Variants in DMXL1 observed in about 807,000 individuals in gnomAD.
DMXL1 encodes Dmx like 1.
A neutral mutation model predicts 319.2 loss-of-function variants in DMXL1; 99 were observed. The ratio of observed to expected loss-of-function variants is 0.31; its 90% CI spans 0.26 to 0.37. The LOEUF is 0.37. DMXL1 is among the 10% of genes least tolerant of loss of function. The probability of loss-of-function intolerance (pLI) is 1.00; values close to 1 mark genes in which losing one functional copy is unlikely to be tolerated. For missense variants in DMXL1, 3,745 were observed against 3,595.6 expected, an observed-to-expected ratio of 1.04 and a Z score of -1.06; for synonymous variants, 1,385 against 1,235.2, an observed-to-expected ratio of 1.12 and a Z score of -2.54.
At chr5:119,072,783 C>G (rs1351675569) in intron 1 of DMXL1, among the ~76,000 whole-genome samples, 1 of 152,102 alleles carries the variant, frequency 6.6e-6, no homozygotes, top group Admixed American at 6.6e-5. Flanking sequence ...TGTACCTCCC[C>G]TTTAGATTGA....
chr5:119,173,208 C>T (rs1774941292), intron 25 of DMXL1, among the ~76,000 whole-genome samples: 2 of 151,930 alleles, frequency 1.3e-5, no homozygotes, highest in African/African-American at 4.8e-5. Flanking sequence ...GGCGTAGTGG[C>T]ACATGCCTAT....
intron 1 of DMXL1, among the ~76,000 whole-genome samples, chr5:119,095,303 T>C (rs1218401144): frequency 6.6e-6 from 1 of 152,202 alleles, no homozygotes; most frequent in Non-Finnish European, 1.5e-5. Context: ...ACTAGATAAG[T>C]CATTGAATGA....
intron 9 of DMXL1, chr5:119,127,949 T>C: frequency 2.6e-6 from 1 of 385,580 alleles, no homozygotes. Context: ...ATGGTTTAAG[T>C]CCATGTCCTG....
chr5:119,112,106 G>T (rs977992928), intron 5 of DMXL1, among the ~76,000 whole-genome samples: 1 of 151,982 alleles, frequency 6.6e-6, no homozygotes, highest in Non-Finnish European at 1.5e-5. Context: ...GACTACAGGC[G>T]CTCTACCACC....
chr5:119,171,828 G>T lies in DMXL1; in HGVS notation c.6540G>T (p.Val2180=), dbSNP rs1318098739. The T allele has an allele frequency of 3.1e-6, 5 of 1,613,634 alleles. No individual in the cohort carries two copies. The highest frequency in any genetic ancestry group is 4.2e-6 in the Non-Finnish European group (5 of 1,179,836). The change falls in exon 25 of 44, where the codon GTG becomes GTT. Residue 2180 remains valine, a synonymous_variant. Transcript: ENST00000539542. ...FSSPLSEQTS[V]PLLFACTANA... is the part of the protein sequence containing the mutation. ...GCCCTCTGTCAGAGCAAACCTCAGT[G>T]CCTCTCCTCTTTGCTTGTACAGCCA...
At chr5:119,203,187 A>G (rs780707834) in intron 32 of DMXL1, 132 bp from the exon 33 acceptor site, 10 of 556,842 alleles carry the variant, frequency 1.8e-5, no homozygotes, top group Non-Finnish European at 3.2e-5. Flanking sequence ...AAGGTTGGCC[A>G]TATGATCTGC....
intron 9 of DMXL1, chr5:119,127,867 C>T: frequency 2.9e-6 from 1 of 342,014 alleles, no homozygotes; most frequent in Non-Finnish European, 5.9e-6. Context: ...CTGGTATCAG[C>T]ATGTCTGCTT....
chr5:119,230,794 A>G (rs1047669658), intron 38 of DMXL1, among the ~76,000 whole-genome samples: 22 of 152,208 alleles, frequency 1.4e-4, no homozygotes, highest in African/African-American at 5.3e-4. Flanking sequence ...AGGCAGGAGA[A>G]TCACTTGAAC....
In DMXL1 at chr5:119,177,396, G is replaced by A. The variant is rs780495478; in HGVS notation, c.6798G>A (p.Gln2266=). 6.2e-7 allele frequency: 1 copy of A among 1,602,524 alleles called. No individual in the cohort carries two copies. The highest frequency in any genetic ancestry group is 8.5e-7 in the Non-Finnish European group (1 of 1,173,398). ...ATCAGTTTACTGGAATGGTATATCA[G>A]ACAGTACTGCTTCCTCATCGACCTT... The part of the protein sequence containing the change: ...QTNQFTGMVY[Q]TVLLPHRPSL... The change falls in exon 27 of 44, where the codon CAG becomes CAA. Residue 2266 remains glutamine, a synonymous_variant. Coordinates refer to ENST00000539542, the MANE Select transcript of DMXL1 (RefSeq NM_001290321.3).
At position 119,071,627 on chromosome 5, in the gene DMXL1, G is replaced by C. The variant is rs1228534602; in HGVS notation, c.58G>C (p.Val20Leu). 1 of 1,601,416 alleles carries C rather than the reference G, an allele frequency of 6.2e-7. No homozygotes were observed. Among genetic ancestry groups the C allele is most frequent in the Non-Finnish European group, 8.5e-7 (1 of 1,174,518 alleles). ...GAACCCTGGCGACCACTGCTTCTCCGTGGGCAGCATTGGCGACCAGCGCTT... is the reference window on the plus strand; with the variant it reads ...GAACCCTGGCGACCACTGCTTCTCCCTGGGCAGCATTGGCGACCAGCGCTT... ...AVNPGDHCFS[V>L]GSIGDQRFTA... Residue 20 changes from valine (V) to leucine (L), a missense_variant, in exon 1 of 44, where the codon GTG becomes CTG. Val to Leu is a conservative substitution (Grantham distance 32, BLOSUM62 1). This residue lies in a region of DMXL1 where 2,096 missense variants were observed against 1,985.4 expected (regional missense o/e 1.06). Transcript: ENST00000539542.
chr5:119,080,025 A>G (rs1220578801), intron 1 of DMXL1, among the ~76,000 whole-genome samples: 1 of 152,108 alleles, frequency 6.6e-6, no homozygotes, highest in Admixed American at 6.6e-5. Flanking sequence ...AATTTTAAAT[A>G]CCTCTTGGAT....
chr5:119,244,000 G>A (rs1158901288), intron 42 of DMXL1, among the ~76,000 whole-genome samples: 6 of 152,338 alleles, frequency 3.9e-5, no homozygotes, highest in Non-Finnish European at 5.9e-5. Context: ...GACCAAAGCA[G>A]CATTTGGTCT....
At chr5:119,124,399 C>T (rs763923168) in intron 9 of DMXL1, among the ~76,000 whole-genome samples, 8 of 151,672 alleles carry the variant, frequency 5.3e-5, no homozygotes, top group Non-Finnish European at 8.8e-5. Context: ...TTTCCTTGAG[C>T]GTGAGAAGGG....
intron 37 of DMXL1, among the ~76,000 whole-genome samples, chr5:119,222,673 C>T (rs532479065): frequency 5.3e-5 from 8 of 152,264 alleles, no homozygotes; most frequent in East Asian, 1.9e-4. Flanking sequence ...GGTTGTCACT[C>T]GCTTTCTAAA....
intron 32 of DMXL1, 93 bp downstream of exon 32, chr5:119,198,049 C>A: frequency 8.2e-7 from 1 of 1,216,582 alleles, no homozygotes; most frequent in Non-Finnish European, 1.2e-6. Flanking sequence ...AGTGCAGTGG[C>A]ACAATCTCAG....
chr5:119,231,155 C>T (rs1786644248), intron 38 of DMXL1, among the ~76,000 whole-genome samples: 1 of 152,094 alleles, frequency 6.6e-6, no homozygotes, highest in South Asian at 2.1e-4. Flanking sequence ...TGTAGATGGA[C>T]AATTTTGTGT....
chr5:119,072,710 A>G (rs1182371930), intron 1 of DMXL1, among the ~76,000 whole-genome samples: 3 of 152,210 alleles, frequency 2.0e-5, no homozygotes, highest in Non-Finnish European at 2.9e-5. Context: ...TGGTGGAGGC[A>G]TTTAATGCCT....
intron 23 of DMXL1, among the ~76,000 whole-genome samples, chr5:119,169,528 C>T (rs1774134977): frequency 6.6e-6 from 1 of 152,050 alleles, no homozygotes; most frequent in Admixed American, 6.5e-5. Context: ...GAACTTTGAT[C>T]AGAGAACTGG....
intron 19 of DMXL1, among the ~76,000 whole-genome samples, chr5:119,153,833 C>T (rs1394670056): frequency 6.6e-6 from 1 of 152,226 alleles, no homozygotes; most frequent in Non-Finnish European, 1.5e-5. Flanking sequence ...TTTGCAAATA[C>T]AGCAGTTTTT....
Sources: allele counts gnomAD v4.1 joint callset (sites outside exome capture counted in the v4.1 genomes callset), GRCh38; gene constraint gnomAD v4.1.1; regional missense constraint gnomAD v4.1.1; transcripts MANE v1.5; gene names NCBI Gene and HGNC (gene_info 2026-07-23, HGNC 2026-07-21).